The following TLL2 variants were observed in gnomAD, a reference collection of about 807,000 sequenced individuals.
TLL2 encodes tolloid-like protein 2.
In TLL2, 106 loss-of-function variants were observed where a neutral mutation model predicts 123.0. The ratio of observed to expected loss-of-function variants is 0.86; its 90% CI spans 0.74 to 1.01. The LOEUF (loss-of-function observed/expected upper bound fraction) is 1.01. Among genes scored for constraint, TLL2 ranks in the 50% least tolerant of loss-of-function variants. TLL2 has a pLI of 0.00. For synonymous variants in TLL2, 494 were observed against 516.8 expected (o/e 0.96, Z 0.60); for missense variants, 1,332 against 1,336.7 (o/e 1.00, Z 0.06).
chr10:96,438,927 T>C (rs962603419), intron 3 of TLL2, among the ~76,000 whole-genome samples: 1 of 152,048 alleles, frequency 6.6e-6, no homozygotes, highest in African/African-American at 2.4e-5. Flanking sequence ...GATTCTTCTT[T>C]ACTAGCTTGT....
chr10:96,476,238 A>ATTTTTTTTT (rs1466902949), intron 2 of TLL2, among the ~76,000 whole-genome samples: 1 of 17,512 alleles, frequency 5.7e-5, no homozygotes, highest in African/African-American at 2.0e-4. Flanking sequence ...ATATATATAT[A>ATTTTTTTTT]TATTTTATTT....
intron 2 of TLL2, among the ~76,000 whole-genome samples, chr10:96,454,002 TG>T (rs1407830106): frequency 4.4e-5 from 6 of 137,164 alleles, no homozygotes; most frequent in African/African-American, 1.6e-4. Context: ...CATTTTGTAG[TG>T]TGCGCCTGCA....
intron 9 of TLL2, among the ~76,000 whole-genome samples, chr10:96,409,597 A>G (rs549472333): frequency 2.6e-5 from 4 of 152,318 alleles, no homozygotes; most frequent in Non-Finnish European, 5.9e-5. Context: ...TATCCAGATA[A>G]TGGATATAAC....
At chr10:96,449,563 C>T (rs947003594) in intron 2 of TLL2, among the ~76,000 whole-genome samples, 2 of 152,212 alleles carry the variant, frequency 1.3e-5, no homozygotes, top group South Asian at 4.1e-4. Context: ...GGGGACCTAC[C>T]TGGAGTTAAT....
chr10:96,424,862 T>G (rs1846663887), intron 5 of TLL2, among the ~76,000 whole-genome samples: 1 of 152,112 alleles, frequency 6.6e-6, no homozygotes, highest in African/African-American at 2.4e-5. Context: ...TCATCCATAT[T>G]TCAAGATTAT....
intron 2 of TLL2, among the ~76,000 whole-genome samples, chr10:96,476,881 C>CACACACAG (rs1213843566): frequency 1.3e-5 from 2 of 150,010 alleles, no homozygotes; most frequent in African/African-American, 5.0e-5. Context: ...CACACACACA[C>CACACACAG]ACACACACAC....
chr10:96,410,302 C>T (rs771565682), intron 9 of TLL2, 57 bp downstream of exon 9: 2 of 1,325,994 alleles, frequency 1.5e-6, no homozygotes, highest in Non-Finnish European at 2.2e-6. Flanking sequence ...AGAACTCCTC[C>T]CACCTCACCC....
chr10:96,442,275 C>T (rs375447610), intron 3 of TLL2, among the ~76,000 whole-genome samples: 119 of 152,252 alleles, frequency 7.8e-4, no homozygotes, highest in African/African-American at 2.5e-3. Flanking sequence ...CGAAACTGGG[C>T]GCTTCCCTCA....
At chr10:96,509,818 G>A (rs1847610382) in intron 1 of TLL2, among the ~76,000 whole-genome samples, 5 of 152,210 alleles carry the variant, frequency 3.3e-5, no homozygotes, top group Admixed American at 3.3e-4. Context: ...ATAGTGGCAG[G>A]CGCCTGTAGT....
At chr10:96,420,055 C>T (rs1846604167) in intron 7 of TLL2, among the ~76,000 whole-genome samples, 1 of 152,180 alleles carries the variant, frequency 6.6e-6, no homozygotes, top group Non-Finnish European at 1.5e-5. Context: ...AGTTTTCTCA[C>T]CTATTATTTA....
chr10:96,501,978 G>C (rs1437944767), intron 1 of TLL2, among the ~76,000 whole-genome samples: 4 of 152,160 alleles, frequency 2.6e-5, no homozygotes, highest in Admixed American at 2.0e-4. Flanking sequence ...ACTCACATCA[G>C]TAATAGACCC....
chr10:96,494,917 G>A (rs541039405), intron 1 of TLL2, among the ~76,000 whole-genome samples: 2 of 152,194 alleles, frequency 1.3e-5, no homozygotes, highest in Admixed American at 6.5e-5. Context: ...CCAGGAATAC[G>A]CACTTTAATT....
chr10:96,419,581 G>A (rs1295582725), intron 7 of TLL2, among the ~76,000 whole-genome samples: 2 of 152,166 alleles, frequency 1.3e-5, no homozygotes, highest in African/African-American at 2.4e-5. Context: ...AAGTGCTGTC[G>A]AAGATGCCAG....
chr10:96,394,139 T>G (rs536903704), intron 13 of TLL2, among the ~76,000 whole-genome samples: 1 of 152,120 alleles, frequency 6.6e-6, no homozygotes, highest in African/African-American at 2.4e-5. Context: ...AGGGAGGGAC[T>G]GGGATTTCTG....
intron 2 of TLL2, among the ~76,000 whole-genome samples, chr10:96,449,405 G>T (rs1846932389): frequency 6.6e-6 from 1 of 152,220 alleles, no homozygotes; most frequent in Admixed American, 6.5e-5. Context: ...GACATATGAA[G>T]TCATGGGTCT....
intron 16 of TLL2, among the ~76,000 whole-genome samples, chr10:96,380,934 G>A (rs1390473863): frequency 4.8e-5 from 7 of 145,764 alleles, no homozygotes; most frequent in African/African-American, 1.0e-4. Context: ...CGGAGATTGC[G>A]CCATTGCACT....
chr10:96,498,181 G>C (rs1847496697), intron 1 of TLL2, among the ~76,000 whole-genome samples: 1 of 152,212 alleles, frequency 6.6e-6, no homozygotes, highest in African/African-American at 2.4e-5. Flanking sequence ...TCATTCTGAA[G>C]ACAATGGCCA....
At chr10:96,491,350 C>T in intron 1 of TLL2, among the ~76,000 whole-genome samples, 1 of 147,040 alleles carries the variant, frequency 6.8e-6, no homozygotes, top group African/African-American at 2.5e-5. Context: ...CCATTGCACT[C>T]TAGCCTGAGC....
chr10:96,462,180 G>A (rs1425168294), intron 2 of TLL2, among the ~76,000 whole-genome samples: 1 of 152,212 alleles, frequency 6.6e-6, no homozygotes, highest in East Asian at 1.9e-4. Flanking sequence ...GAGGCTCAAT[G>A]AGGTAAAGTC....
Sources: allele counts gnomAD v4.1 joint callset (sites outside exome capture counted in the v4.1 genomes callset), GRCh38; gene constraint gnomAD v4.1.1; transcripts MANE v1.5; gene names NCBI Gene and HGNC (gene_info 2026-07-23, HGNC 2026-07-21).